RGS3: variants seen among roughly 807,000 people sequenced by gnomAD.
The protein encoded by RGS3 is regulator of G-protein signalling 3.
In RGS3, 80 loss-of-function variants were observed where a neutral mutation model predicts 132.6. The ratio of observed to expected loss-of-function variants is 0.60; its 90% CI spans 0.50 to 0.73. The LOEUF (loss-of-function observed/expected upper bound fraction) is 0.73, where lower values mean the gene tolerates loss of function less well. RGS3 is among the 30% of genes least tolerant of loss of function. The probability of loss-of-function intolerance (pLI) is 0.00; values close to 1 mark genes in which losing one functional copy is unlikely to be tolerated. For missense variants in RGS3, 1,382 were observed against 1,530.8 expected (o/e 0.90, Z 1.62); for synonymous variants, 598 against 620.6 (o/e 0.96, Z 0.54).
intron 14 of RGS3, among the ~76,000 whole-genome samples, chr9:113,511,476 G>A (rs1278873983): frequency 6.6e-6 from 1 of 152,000 alleles, no homozygotes; most frequent in East Asian, 1.9e-4. Flanking sequence ...TGGAGATTGG[G>A]CACAAGGGCA....
intron 14 of RGS3, among the ~76,000 whole-genome samples, chr9:113,512,364 A>G (rs1588180684): frequency 6.6e-6 from 1 of 152,326 alleles, no homozygotes; most frequent in East Asian, 1.9e-4. Context: ...TCCTGTGCCC[A>G]TCCAGGGCTC....
chr9:113,522,815 A>G, intron 16 of RGS3, 115 bp from the exon 15 acceptor site: 1 of 753,392 alleles, frequency 1.3e-6, no homozygotes, highest in South Asian at 1.5e-5. Flanking sequence ...GTGTGAGATG[A>G]TGAGGATGCA....
In RGS3 at chr9:113,463,623, A is replaced by C; in HGVS notation, c.415+1422A>C. ...GGCCCAGCTCTGCTCCGGCAGGTGG[A>C]ACTCTCCCCATTCAAACCCGCGCGG... On this transcript the variant is annotated intron_variant, in intron 3 of 24. Coordinates refer to ENST00000350696, the Ensembl canonical transcript of RGS3. This position sits in a 1 kb window ranked among gnomAD's most constrained non-coding sequence, Gnocchi z 4.6. The C allele has an allele frequency of 3.3e-5, 27 of 810,200 alleles. No individual in the cohort carries two copies. Among genetic ancestry groups the C allele is most frequent in the East Asian group, 1.5e-4 (2 of 13,376 alleles). 50.2% of individuals were successfully genotyped at this position (810,200 alleles called of 1,614,324 possible).
chr9:113,555,893 C>T (rs987061705), intron 19 of RGS3, among the ~76,000 whole-genome samples: 1 of 152,244 alleles, frequency 6.6e-6, no homozygotes, highest in Non-Finnish European at 1.5e-5. Flanking sequence ...CTGTCTCTCA[C>T]ATACCACGTC....
exon 15 of RGS3, chr9:113,514,504 G>C: frequency 6.2e-7 from 1 of 1,614,218 alleles, no homozygotes; most frequent in Non-Finnish European, 8.5e-7. Flanking sequence ...GCCTGGGGAA[G>C]AAGTCCCGGC....
intron 16 of RGS3, among the ~76,000 whole-genome samples, chr9:113,519,479 A>G (rs910247346): frequency 5.3e-5 from 8 of 150,860 alleles, no homozygotes; most frequent in African/African-American, 1.7e-4. Flanking sequence ...CCAAACATGT[A>G]GATCTGGGCA....
intron 3 of RGS3, among the ~76,000 whole-genome samples, chr9:113,471,830 C>T (rs893291388): frequency 3.9e-5 from 6 of 152,132 alleles, no homozygotes; most frequent in Admixed American, 1.3e-4. Flanking sequence ...TGTTTCTCAT[C>T]GCATGGACCT....
intron 20 of RGS3, among the ~76,000 whole-genome samples, chr9:113,586,234 T>C (rs1479608729): frequency 1.3e-5 from 2 of 152,222 alleles, no homozygotes; most frequent in Admixed American, 1.3e-4. Flanking sequence ...CCACTCCTCT[T>C]TGGAGGGCGG....
At chr9:113,595,861 G>C in intron 24 of RGS3, 96 bp downstream of exon 22, 1 of 1,361,736 alleles carries the variant, frequency 7.3e-7, no homozygotes, top group Non-Finnish European at 1.0e-6. Context: ...GAAGGGGAGA[G>C]GCCAGAATGA....
chr9:113,593,956 T>C, intron 21 of RGS3: 1 of 1,612,848 alleles, frequency 6.2e-7, no homozygotes, highest in South Asian at 1.1e-5. Flanking sequence ...TAGCTGGGAC[T>C]GGCTTCCTGC....
At chr9:113,499,287 C>T (rs1038002724) in intron 10 of RGS3, among the ~76,000 whole-genome samples, 1 of 151,092 alleles carries the variant, frequency 6.6e-6, no homozygotes. Flanking sequence ...CCCCTGTATA[C>T]CAGGTGCTGT....
intron 1 of RGS3, among the ~76,000 whole-genome samples, chr9:113,447,355 A>G (rs941086102): frequency 3.2e-4 from 37 of 116,964 alleles, no homozygotes; most frequent in African/African-American, 4.5e-4. Flanking sequence ...ATATATATAT[A>G]TATATAGGCA....
At chr9:113,491,158 T>G (rs1830507778) in intron 7 of RGS3, among the ~76,000 whole-genome samples, 2 of 145,256 alleles carry the variant, frequency 1.4e-5, no homozygotes, top group South Asian at 4.2e-4. Flanking sequence ...TTATATATTA[T>G]ATATATTCTT....
Position 113,450,846 on chromosome 9 carries a change from C to T in RGS3, c.-13+5919C>T, listed in dbSNP as rs575322180. 2.6e-4 allele frequency among the ~76,000 whole-genome samples: 40 copies of T among 152,030 alleles called. No individual in the cohort carries two copies. In the South Asian group the frequency reaches 5.0e-3, roughly 19 times the overall value. ...ATAATGAGGAAGACAATGGTGACTGCGGAGTGAATGAAGTTTCAGCAGTGT... is the reference window on the plus strand; with the variant it reads ...ATAATGAGGAAGACAATGGTGACTGTGGAGTGAATGAAGTTTCAGCAGTGT... On this transcript the variant is annotated intron_variant, in intron 1 of 25. Coordinates refer to the RGS3 transcript ENST00000374140.
Position 113,485,615 on chromosome 9 carries a change from G to T in RGS3, c.621-10G>T. On this transcript the variant is annotated splice_polypyrimidine_tract_variant and intron_variant, in intron 6 of 24. Coordinates refer to ENST00000350696, the Ensembl canonical transcript of RGS3. ...TTACTAACACTCCGATGGTCTGATTGATTTCGCAGTCCTGTCCAAGAGGAG... is the reference window on the plus strand; with the variant it reads ...TTACTAACACTCCGATGGTCTGATTTATTTCGCAGTCCTGTCCAAGAGGAG... 6.3e-7 allele frequency: 1 copy of T among 1,590,820 alleles called. No homozygotes were observed.
intron 19 of RGS3, chr9:113,564,904 G>A: frequency 5.0e-6 from 5 of 991,768 alleles, no homozygotes; most frequent in South Asian, 4.4e-5. Context: ...GAACAGCGTC[G>A]GGGTGGGGGT....
chr9:113,546,607 G>T (rs1024512959), intron 19 of RGS3, among the ~76,000 whole-genome samples: 1 of 152,218 alleles, frequency 6.6e-6, no homozygotes, highest in Non-Finnish European at 1.5e-5. Flanking sequence ...CAGGACTAGA[G>T]CTCAGGTCTC....
chr9:113,556,598 G>A (rs1833575437), intron 19 of RGS3, among the ~76,000 whole-genome samples: 1 of 152,180 alleles, frequency 6.6e-6, no homozygotes, highest in African/African-American at 2.4e-5. Flanking sequence ...TGGCTCCAGA[G>A]CCCGTGTCCT....
exon 20 of RGS3, chr9:113,584,269 G>A (rs1835000777): frequency 6.2e-7 from 1 of 1,612,134 alleles, no homozygotes; most frequent in South Asian, 1.1e-5. Flanking sequence ...GGAGCCCCGA[G>A]GGCCCTGCTT....
Sources: allele counts gnomAD v4.1 joint callset (sites outside exome capture counted in the v4.1 genomes callset), GRCh38; gene constraint gnomAD v4.1.1; non-coding constraint Gnocchi (gnomAD v3.1); transcripts MANE v1.5; gene names NCBI Gene and HGNC (gene_info 2026-07-23, HGNC 2026-07-21).